The following SCAF11 variants were observed in gnomAD, a reference collection of about 807,000 sequenced individuals.
The protein encoded by SCAF11 is SR-related CTD associated factor 11.
A neutral mutation model predicts 140.5 loss-of-function variants in SCAF11; 47 were observed. The ratio of observed to expected loss-of-function variants is 0.33; its 90% CI spans 0.26 to 0.43. SCAF11 has a LOEUF of 0.43. Among genes scored for constraint, SCAF11 ranks in the 20% least tolerant of loss-of-function variants. The pLI is 1.00. For synonymous variants in SCAF11, 557 were observed against 579.4 expected (o/e 0.96, Z 0.55); for missense variants, 1,645 against 1,705.1 (o/e 0.96, Z 0.62).
At position 45,925,108 on chromosome 12, in the gene SCAF11, A is replaced by G. The variant is rs201370048; in HGVS notation, c.3560-34T>C. 26 of 1,526,842 alleles carry G rather than the reference A, an allele frequency of 1.7e-5. No individual in the cohort carries two copies. In the East Asian group the frequency reaches 4.5e-4, roughly 27 times the overall value. 94.6% of individuals were successfully genotyped at this position (1,526,842 alleles called of 1,614,324 possible). The stretch of plus-strand genomic sequence containing the variant: ...AGAAAAAAAGCTTGTGAAAAAAATC[A>G]TGTTATAAATCTCTTTAGACAGAGA... On this transcript the variant is annotated intron_variant, in intron 11 of 14. Transcript: ENST00000369367.
chr12:45,925,274 G>A (rs1944831999), intron 11 of SCAF11, among the ~76,000 whole-genome samples, 200 bp from the exon 12 acceptor site: 1 of 152,078 alleles, frequency 6.6e-6, no homozygotes, highest in Non-Finnish European at 1.5e-5. Flanking sequence ...AACATTTGGC[G>A]AGGCACGGTG....
intron 8 of SCAF11, among the ~76,000 whole-genome samples, chr12:45,933,971 C>T (rs1310336976): frequency 6.6e-6 from 1 of 152,000 alleles, no homozygotes; most frequent in South Asian, 2.1e-4. Context: ...GCAATCACTG[C>T]ACAATAGAGA....
intron 1 of SCAF11, among the ~76,000 whole-genome samples, chr12:45,973,810 G>C (rs1292629379): frequency 6.6e-6 from 1 of 152,124 alleles, no homozygotes; most frequent in Non-Finnish European, 1.5e-5. Flanking sequence ...AAAATGATGA[G>C]AATTCTTTTC....
chr12:45,980,302 CTTT>C (rs1946321622), intron 1 of SCAF11, among the ~76,000 whole-genome samples: 1 of 152,172 alleles, frequency 6.6e-6, no homozygotes, highest in East Asian at 1.9e-4. Flanking sequence ...AACCTGCCTT[CTTT>C]ATCACTATAT....
rs374348680 is a variant in SCAF11 at position 45,928,822 on chromosome 12, T to C, written c.879A>G (p.Gln293=). The change falls in exon 11 of 15, where the codon CAA becomes CAG. Residue 293 remains glutamine (Q), a synonymous_variant. Coordinates refer to ENST00000369367, the MANE Select transcript of SCAF11 (RefSeq NM_004719.3). ...SCKGYALAHT[Q]EGEEKKQTSG... is the part of the protein sequence containing the mutation. ...AAGTTTGCTTCTTTTCTTCCCCTTC[T>C]TGAGTATGTGCTAATGCATATCCCT... The C allele has an allele frequency of 6.2e-7, 1 of 1,612,392 alleles. No individual in the cohort carries two copies. The highest frequency in any genetic ancestry group is 8.5e-7 in the Non-Finnish European group (1 of 1,179,838).
chr12:45,979,451 G>A (rs1289904511), intron 1 of SCAF11, among the ~76,000 whole-genome samples: 3 of 152,052 alleles, frequency 2.0e-5, no homozygotes, highest in East Asian at 1.9e-4. Context: ...ATTCTACCCC[G>A]TTCTGTTTAA....
intron 6 of SCAF11, 35 bp downstream of exon 6, chr12:45,945,214 A>T: frequency 7.5e-7 from 1 of 1,326,340 alleles, no homozygotes; most frequent in Non-Finnish European, 1.1e-6. Context: ...AACAACAAAA[A>T]AAAAGGTAGA....
At chr12:45,935,390 G>A (rs1019674409) in intron 6 of SCAF11, among the ~76,000 whole-genome samples, 1 of 152,130 alleles carries the variant, frequency 6.6e-6, no homozygotes. Flanking sequence ...AGTGGAAGAC[G>A]AACAGGCTGA....
chr12:45,961,279 A>G (rs763479426), intron 3 of SCAF11: 2 of 714,860 alleles, frequency 2.8e-6, no homozygotes, highest in Non-Finnish European at 5.2e-6. Flanking sequence ...TTATTCCACA[A>G]GGCTGATATA....
intron 1 of SCAF11, among the ~76,000 whole-genome samples, chr12:45,981,989 G>A (rs1946360661): frequency 1.3e-5 from 2 of 152,108 alleles, no homozygotes; most frequent in African/African-American, 4.8e-5. Context: ...AACAAGATAT[G>A]CCAAATAATG....
At chr12:45,951,253 A>G (rs1295865867) in intron 4 of SCAF11, among the ~76,000 whole-genome samples, 1 of 152,028 alleles carries the variant, frequency 6.6e-6, no homozygotes, top group Non-Finnish European at 1.5e-5. Flanking sequence ...CATTTCAAAC[A>G]TTTTTTCAAT....
In SCAF11 at chr12:45,927,757, T is replaced by C. The variant is rs1285942150; in HGVS notation, c.1944A>G (p.Thr648=). The part of the protein sequence containing the change: ...VETEDVEIIA[T]CDTFGNEDFN... Reference sequence around the variant, plus strand: ...AATCTTCATTCCCAAAAGTATCACATGTTGCAATTATTTCTACATCTTCAG... The same window carrying C: ...AATCTTCATTCCCAAAAGTATCACACGTTGCAATTATTTCTACATCTTCAG... The change falls in exon 11 of 15, where the codon ACA becomes ACG. Residue 648 remains threonine, a synonymous_variant. Coordinates refer to ENST00000369367, the MANE Select transcript of SCAF11 (RefSeq NM_004719.3). 6.8e-6 allele frequency: 11 copies of C among 1,612,854 alleles called. No homozygotes were observed. The highest frequency in any genetic ancestry group is 9.3e-6 in the Non-Finnish European group (11 of 1,179,436).
rs1026128698 is a variant in SCAF11 at position 45,957,900 on chromosome 12, CTCTT to C, written c.219+3796_219+3799del. Among the ~76,000 whole-genome samples the C allele has an allele frequency of 7.2e-5, 11 of 152,038 alleles. 1 individual carries two copies. The highest frequency in any genetic ancestry group is 2.7e-4 in the African/African-American group (11 of 41,482). ...TGGGAAATAATGATTCCTACTTTCTCTCTTTTTTTTGAGATAGGGTCTTATTTTG... is the reference window on the plus strand; with the variant it reads ...TGGGAAATAATGATTCCTACTTTCTCTTTTTTGAGATAGGGTCTTATTTTG... On this transcript the variant is annotated intron_variant, in intron 3 of 14. Transcript: ENST00000369367.
chr12:45,980,630 TA>T (rs1490296658), intron 1 of SCAF11, among the ~76,000 whole-genome samples: 1 of 152,210 alleles, frequency 6.6e-6, no homozygotes, highest in African/African-American at 2.4e-5. Flanking sequence ...ATAAGGGTCA[TA>T]AGTTACCCAA....
intron 1 of SCAF11, among the ~76,000 whole-genome samples, chr12:45,973,657 T>C (rs760916937): frequency 3.3e-5 from 5 of 152,090 alleles, no homozygotes; most frequent in African/African-American, 7.2e-5. Flanking sequence ...TGATTTCTTA[T>C]CAGAAACCAT....
At chr12:45,950,159 C>A (rs1191954544) in intron 4 of SCAF11, among the ~76,000 whole-genome samples, 2 of 152,052 alleles carry the variant, frequency 1.3e-5, no homozygotes, top group Admixed American at 1.3e-4. Flanking sequence ...GAAGTCTGAG[C>A]CTGGACCTTG....
chr12:45,966,226 A>G (rs1945943284), intron 1 of SCAF11, among the ~76,000 whole-genome samples: 2 of 152,200 alleles, frequency 1.3e-5, no homozygotes, highest in Admixed American at 1.3e-4. Context: ...GGAAGAACAG[A>G]AAGCTTAAGA....
chr12:45,970,793 C>CA (rs1472786220), intron 1 of SCAF11, among the ~76,000 whole-genome samples: 1 of 152,182 alleles, frequency 6.6e-6, no homozygotes, highest in Non-Finnish European at 1.5e-5. Context: ...GCTGAAGTCA[C>CA]CCACATTTAC....
chr12:45,952,277 T>G (rs1945568154), intron 3 of SCAF11, among the ~76,000 whole-genome samples: 2 of 152,306 alleles, frequency 1.3e-5, no homozygotes, highest in South Asian at 4.1e-4. Flanking sequence ...GGATATCCAT[T>G]GCATATGCAT....
Sources: allele counts gnomAD v4.1 joint callset (sites outside exome capture counted in the v4.1 genomes callset), GRCh38; gene constraint gnomAD v4.1.1; transcripts MANE v1.5; gene names NCBI Gene and HGNC (gene_info 2026-07-23, HGNC 2026-07-21).